MAP3K7CL: variants seen among roughly 807,000 people sequenced by gnomAD.
MAP3K7CL encodes the protein MAP3K7 C-terminal like, also known as MAP3K7 C-terminal-like protein.
Under a neutral mutation model 18.6 loss-of-function variants are expected in MAP3K7CL, and 16 were observed. The observed-to-expected ratio is 0.86, with a 90% CI of 0.58 to 1.31. MAP3K7CL has a LOEUF of 1.31. Among genes scored for constraint, MAP3K7CL ranks in the 50% most tolerant of loss-of-function variants. MAP3K7CL has a pLI of 0.00. For missense variants in MAP3K7CL, 163 were observed against 174.4 expected (o/e 0.93, Z 0.37); for synonymous variants, 65 against 66.8 (o/e 0.97, Z 0.13).
intron 4 of MAP3K7CL, among the ~76,000 whole-genome samples, chr21:29,112,586 G>A (rs911266741): frequency 6.6e-6 from 1 of 151,422 alleles, no homozygotes; most frequent in Non-Finnish European, 1.5e-5. Flanking sequence ...TTCTTTGGTA[G>A]GTTTGATCAA....
At chr21:29,147,990 G>A (rs1206552342) in intron 2 of MAP3K7CL, among the ~76,000 whole-genome samples, 1 of 151,824 alleles carries the variant, frequency 6.6e-6, no homozygotes, top group Non-Finnish European at 1.5e-5. Context: ...CATGTGTACT[G>A]TATGTGTATT....
At chr21:29,154,147 TG>T (rs2087343859) in intron 3 of MAP3K7CL, among the ~76,000 whole-genome samples, 1 of 152,188 alleles carries the variant, frequency 6.6e-6, no homozygotes, top group Non-Finnish European at 1.5e-5. Flanking sequence ...AATCTCACAT[TG>T]TTGTGGGAAT....
At chr21:29,148,958 A>G (rs2087206216) in intron 2 of MAP3K7CL, among the ~76,000 whole-genome samples, 1 of 152,176 alleles carries the variant, frequency 6.6e-6, no homozygotes, top group Non-Finnish European at 1.5e-5. Flanking sequence ...CAGCCTGGAC[A>G]TTTGAGGATT....
At chr21:29,147,371 A>G (rs569525364) in intron 2 of MAP3K7CL, among the ~76,000 whole-genome samples, 17 of 151,944 alleles carry the variant, frequency 1.1e-4, no homozygotes, top group African/African-American at 4.1e-4. Flanking sequence ...GTATGTATGT[A>G]CTGTATATGT....
chr21:29,104,135 G>T (rs1408512309), intron 4 of MAP3K7CL, among the ~76,000 whole-genome samples: 1 of 151,988 alleles, frequency 6.6e-6, no homozygotes, highest in Non-Finnish European at 1.5e-5. Context: ...TGTTTGTTTG[G>T]TTTTTTGCAA....
Position 29,109,429 on chromosome 21 carries a change from C to A in MAP3K7CL, c.370+16848C>A, listed in dbSNP as rs79377290. 1.4e-3 allele frequency: 1,813 copies of A among 1,258,476 alleles called. 37 individuals carry two copies. In the African/African-American group the frequency reaches 0.026, roughly 18 times the overall value. 78.0% of individuals were successfully genotyped at this position (1,258,476 alleles called of 1,614,324 possible). On this transcript the variant is annotated intron_variant, in intron 4 of 6. Transcript: ENST00000286791. ...CTCAGCCAGGAGGTGTTAAGTATTT[C>A]ACTAAGTGTGAGACTTCTGGCAAAA...
At chr21:29,116,027 A>G (rs573393244) in intron 4 of MAP3K7CL, among the ~76,000 whole-genome samples, 17 of 152,354 alleles carry the variant, frequency 1.1e-4, no homozygotes, top group African/African-American at 3.8e-4. Flanking sequence ...CTTTCTGCAT[A>G]GTTTACTTAT....
intron 4 of MAP3K7CL, among the ~76,000 whole-genome samples, chr21:29,099,261 ATTTTTTTTTTTT>A (rs968362985): frequency 1.2e-5 from 1 of 83,028 alleles, no homozygotes; most frequent in Admixed American, 1.6e-4. Context: ...CAGCTAATTG[ATTTTTTTTTTTT>A]TTTTTTTTTT....
At chr21:29,108,175 C>T (rs2086356758) in intron 4 of MAP3K7CL, among the ~76,000 whole-genome samples, 1 of 151,998 alleles carries the variant, frequency 6.6e-6, no homozygotes, top group Non-Finnish European at 1.5e-5. Context: ...TCTTTAGGAC[C>T]TAATTAAATA....
chr21:29,083,266 T>G (rs1568924248), upstream of MAP3K7CL, among the ~76,000 whole-genome samples: 1 of 151,478 alleles, frequency 6.6e-6, no homozygotes, highest in Non-Finnish European at 1.5e-5. Context: ...ATTGCAAAAA[T>G]TTATGTTTGA....
In MAP3K7CL at chr21:29,133,349, T is replaced by G; in HGVS notation, c.5T>G (p.Ile2Ser). 1 of 1,550,474 alleles carries G rather than the reference T, an allele frequency of 6.4e-7. No individual in the cohort carries two copies. Among genetic ancestry groups the G allele is most frequent in the Non-Finnish European group, 8.7e-7 (1 of 1,146,928 alleles). M[I>S]STARVPADKP... ...GGCGGAGGCTCAGGTGCCCACATGA[T>G]CAGCACAGCCAGGGTACCTGCTGAC... The change falls in exon 2 of 5, where the codon ATC becomes AGC. Residue 2 changes from isoleucine (I) to serine (S), a missense_variant. Physicochemically the swap from Ile to Ser is moderately radical, Grantham distance 142. Transcript: ENST00000399928.
chr21:29,120,262 A>G (rs796161744), intron 4 of MAP3K7CL, among the ~76,000 whole-genome samples: 8 of 150,878 alleles, frequency 5.3e-5, no homozygotes, highest in South Asian at 2.1e-4. Context: ...GTATCTTTGT[A>G]TATTTGTATC....
At chr21:29,096,172 T>C (rs1008637344) in intron 4 of MAP3K7CL, among the ~76,000 whole-genome samples, 1 of 152,126 alleles carries the variant, frequency 6.6e-6, no homozygotes, top group Non-Finnish European at 1.5e-5. Flanking sequence ...GGAAGTAGGG[T>C]TGAAAATGTA....
In MAP3K7CL at chr21:29,109,005, A is replaced by G. The variant is rs937816959; in HGVS notation, c.370+16424A>G. ...ATTCAATGTCGGCTGGACCCAAATA[A>G]TTTTCTAGAATCAGAAAATTCTACT... On this transcript the variant is annotated intron_variant, in intron 4 of 6. Transcript: ENST00000286791. 6 of 1,496,542 alleles carry G rather than the reference A, an allele frequency of 4.0e-6. No homozygotes were observed. The African/African-American group carries it at 8.3e-5, about 21-fold the overall frequency. 92.7% of individuals were successfully genotyped at this position (1,496,542 alleles called of 1,614,324 possible). A position where few individuals can be genotyped will look rare whatever the true frequency, so the allele number is the denominator to read the frequency against.
rs117032577 is a variant in MAP3K7CL, at chr21:29,097,322, A to T, written c.370+4741A>T. On this transcript the variant is annotated intron_variant, in intron 4 of 6. Transcript: ENST00000286791. The stretch of plus-strand genomic sequence containing the variant: ...AGAAACTGAAGTGTCTATAAGCTAT[A>T]GGGTAGTAGATAGATATTTAGAACT... Among the ~76,000 whole-genome samples the T allele has an allele frequency of 4.0e-3, 613 of 152,278 alleles. 3 individuals are homozygous for T. Among genetic ancestry groups the T allele is most frequent in the South Asian group, 0.013 (64 of 4,818 alleles).
intron 2 of MAP3K7CL, among the ~76,000 whole-genome samples, chr21:29,134,092 C>T (rs910734129): frequency 1.3e-5 from 2 of 152,214 alleles, no homozygotes; most frequent in African/African-American, 2.4e-5. Context: ...CACTGGCATC[C>T]GCCATTGCTC....
At chr21:29,164,855 T>C (rs923229551) in intron 4 of MAP3K7CL, among the ~76,000 whole-genome samples, 6 of 152,240 alleles carry the variant, frequency 3.9e-5, no homozygotes, top group African/African-American at 1.4e-4. Flanking sequence ...CTATCATTTT[T>C]ATCTAATTCT....
intron 4 of MAP3K7CL, among the ~76,000 whole-genome samples, chr21:29,174,145 A>G (rs756641187): frequency 2.0e-5 from 3 of 152,224 alleles, no homozygotes; most frequent in Non-Finnish European, 4.4e-5. Flanking sequence ...TCAGCATCAA[A>G]TGTGGACACA....
At chr21:29,149,937 G>A (rs984005655) in intron 3 of MAP3K7CL, among the ~76,000 whole-genome samples, 4 of 152,198 alleles carry the variant, frequency 2.6e-5, no homozygotes, top group African/African-American at 9.7e-5. Flanking sequence ...CTGGCCTTGG[G>A]CCAGCCATTC....
Sources: gnomAD v4.1 joint callset for allele counts (sites outside exome capture counted in the v4.1 genomes callset) on GRCh38, gnomAD v4.1.1 for gene constraint, MANE v1.5 for transcripts, NCBI Gene and HGNC (gene_info 2026-07-23, HGNC 2026-07-21) for gene names.